Variants in GRM7 observed in about 807,000 individuals in gnomAD.
GRM7 encodes metabotropic glutamate receptor 7.
In GRM7, 35 loss-of-function variants were observed where a neutral mutation model predicts 84.5. The observed-to-expected ratio is 0.41, with a 90% CI of 0.32 to 0.55. GRM7 has a LOEUF of 0.55. Ranked by LOEUF, GRM7 falls within the 20% of genes least tolerant of loss-of-function variation. The probability of loss-of-function intolerance (pLI) is 0.19; values close to 1 mark genes in which losing one functional copy is unlikely to be tolerated. For synonymous variants in GRM7, 487 were observed against 455.1 expected (o/e 1.07, Z -0.89); for missense variants, 1,003 against 1,194.6 (o/e 0.84, Z 2.36).
At chr3:7,257,039 G>A (rs1264756270) in intron 2 of GRM7, among the ~76,000 whole-genome samples, 1 of 152,130 alleles carries the variant, frequency 6.6e-6, no homozygotes, top group Non-Finnish European at 1.5e-5. Flanking sequence ...GGTTATATAT[G>A]GGATTTTCCC....
intron 1 of GRM7, among the ~76,000 whole-genome samples, chr3:6,976,297 A>G (rs1194732928): frequency 6.6e-6 from 1 of 152,216 alleles, no homozygotes; most frequent in African/African-American, 2.4e-5. Context: ...AGAAAATGAA[A>G]ACTTTCAGTG....
chr3:7,002,181 G>C (rs998221243), intron 1 of GRM7, among the ~76,000 whole-genome samples: 1 of 152,150 alleles, frequency 6.6e-6, no homozygotes, highest in Non-Finnish European at 1.5e-5. Flanking sequence ...ATTATTAAGA[G>C]AAGGTATTAT....
intron 4 of GRM7, among the ~76,000 whole-genome samples, chr3:7,313,015 A>C (rs1303403621): frequency 7.0e-6 from 1 of 143,218 alleles, no homozygotes; most frequent in Non-Finnish European, 1.5e-5. Flanking sequence ...TGCACCCTCC[A>C]TCTCCCGGGT....
intron 8 of GRM7, 151 bp from the exon 9 acceptor site, chr3:7,679,898 G>A (rs2125140328): frequency 3.0e-6 from 2 of 664,558 alleles, no homozygotes; most frequent in East Asian, 2.7e-5. Context: ...CAATAACTGT[G>A]CAGAGTTATT....
intron 8 of GRM7, among the ~76,000 whole-genome samples, chr3:7,615,519 T>C (rs1017132894): frequency 1.3e-5 from 2 of 152,092 alleles, no homozygotes; most frequent in Non-Finnish European, 2.9e-5. Context: ...ATAGGTTATA[T>C]GGATAATTTG....
chr3:7,594,322 A>C (rs9821281), intron 8 of GRM7, among the ~76,000 whole-genome samples: 152,312 of 152,312 alleles, frequency 1, 76,156 homozygotes, highest in Non-Finnish European at 1. Flanking sequence ...TATTTTGCAT[A>C]GTGTGTAATG....
At chr3:7,401,639 A>T (rs1695457815) in intron 4 of GRM7, among the ~76,000 whole-genome samples, 1 of 152,174 alleles carries the variant, frequency 6.6e-6, no homozygotes, top group African/African-American at 2.4e-5. Context: ...AACATTTCCA[A>T]ATATACTGAA....
intron 1 of GRM7, among the ~76,000 whole-genome samples, chr3:6,978,290 C>G (rs1694074320): frequency 1.3e-5 from 2 of 152,098 alleles, no homozygotes; most frequent in Non-Finnish European, 2.9e-5. Context: ...CTGGAAGAGT[C>G]AAGGAAGAAC....
chr3:7,061,365 C>A lies in GRM7; in HGVS notation c.520-85087C>A, dbSNP rs182354209. Among the ~76,000 whole-genome samples the A allele has an allele frequency of 1.9e-3, 286 of 151,826 alleles. 2 individuals are homozygous for A. The highest frequency in any genetic ancestry group is 6.7e-3 in the African/African-American group (277 of 41,480). On this transcript the variant is annotated intron_variant, in intron 1 of 9. Transcript: ENST00000357716. ...TGTTAAAGTTCATAACTCATTTTAT[C>A]TTCATAGAAAACATATGAGGTAGGA... is the stretch of plus-strand genomic sequence containing the variant.
chr3:7,641,311 G>C (rs1575584518), intron 8 of GRM7, among the ~76,000 whole-genome samples: 1 of 152,202 alleles, frequency 6.6e-6, no homozygotes, highest in East Asian at 1.9e-4. Context: ...AGATAAAATA[G>C]GAATTACAGA....
intron 1 of GRM7, among the ~76,000 whole-genome samples, chr3:7,077,343 A>G (rs540852802): frequency 1.2e-4 from 18 of 152,188 alleles, no homozygotes; most frequent in Non-Finnish European, 2.4e-4. Context: ...TCAATGATAG[A>G]CTGGATTAAG....
chr3:7,352,009 C>A (rs372458215), intron 4 of GRM7, among the ~76,000 whole-genome samples: 2 of 150,456 alleles, frequency 1.3e-5, no homozygotes, highest in East Asian at 2.0e-4. Flanking sequence ...TAAATATATT[C>A]ATTCAGTCAT....
chr3:7,602,116 TAAAC>T (rs142798947), intron 8 of GRM7, among the ~76,000 whole-genome samples: 8 of 148,160 alleles, frequency 5.4e-5, no homozygotes, highest in African/African-American at 2.0e-4. Context: ...TTCTGTTTGT[TAAAC>T]AAACACTTAT....
intron 4 of GRM7, among the ~76,000 whole-genome samples, chr3:7,372,806 G>C (rs189068923): frequency 6.6e-5 from 10 of 152,054 alleles, no homozygotes; most frequent in Admixed American, 1.3e-4. Context: ...TATGTGACAG[G>C]GGTGTGTCAA....
chr3:7,617,115 G>A (rs1475760533), intron 8 of GRM7, among the ~76,000 whole-genome samples: 5 of 152,054 alleles, frequency 3.3e-5, no homozygotes, highest in Admixed American at 3.3e-4. Flanking sequence ...GCTGGAGGTT[G>A]CAATTCTTTG....
At chr3:7,565,545 T>C (rs1319768354) in intron 7 of GRM7, among the ~76,000 whole-genome samples, 1 of 152,158 alleles carries the variant, frequency 6.6e-6, no homozygotes. Context: ...TGAAAGCCAC[T>C]GTGGGCCAGG....
chr3:7,026,955 C>G (rs17046623), intron 1 of GRM7, among the ~76,000 whole-genome samples: 7,771 of 152,296 alleles, frequency 0.051, 679 homozygotes, highest in African/African-American at 0.18. Context: ...CTCATCTTCT[C>G]CTATCTCTTG....
At chr3:7,207,445 C>T (rs1210388115) in intron 2 of GRM7, among the ~76,000 whole-genome samples, 1 of 152,174 alleles carries the variant, frequency 6.6e-6, no homozygotes, top group African/African-American at 2.4e-5. Context: ...GTTTCCTTTT[C>T]ATCTACAGGC....
intron 2 of GRM7, among the ~76,000 whole-genome samples, chr3:7,194,347 T>C (rs1167535792): frequency 2.0e-5 from 3 of 152,150 alleles, no homozygotes; most frequent in African/African-American, 7.2e-5. Flanking sequence ...GATAGCCAAA[T>C]GAGGTGAAGC....
Sources: allele counts gnomAD v4.1 joint callset (sites outside exome capture counted in the v4.1 genomes callset), GRCh38; gene constraint gnomAD v4.1.1; transcripts MANE v1.5; gene names NCBI Gene and HGNC (gene_info 2026-07-23, HGNC 2026-07-21).